UGT1A3: variants seen among roughly 807,000 people sequenced by gnomAD.
UGT1A3 encodes UDP glucuronosyltransferase family 1 member A3, also known as UDP-glucuronosyltransferase 1A3.
UGT1A3 carries 31 observed loss-of-function variants against 41.0 expected under a neutral mutation model. The ratio of observed to expected loss-of-function variants is 0.76; its 90% CI spans 0.57 to 1.02. UGT1A3 has a LOEUF of 1.02. Ranked by LOEUF, UGT1A3 falls within the 50% of genes least tolerant of loss-of-function variation. The pLI is 0.00. For synonymous variants in UGT1A3, 262 were observed against 257.6 expected, an observed-to-expected ratio of 1.02 and a Z score of -0.17; for missense variants, 737 against 671.0, an observed-to-expected ratio of 1.10 and a Z score of -1.09.
At chr2:233,760,573 G>C (rs1208621089) in intron 1 of UGT1A3, 1 of 1,614,170 alleles carries the variant, frequency 6.2e-7, no homozygotes, top group Non-Finnish European at 8.5e-7. Flanking sequence ...TGTTAGTCTC[G>C]GGCATAATGT....
chr2:233,761,044 G>C (rs1697654904), intron 1 of UGT1A3: 3 of 1,614,190 alleles, frequency 1.9e-6, no homozygotes, highest in Non-Finnish European at 2.5e-6. Flanking sequence ...CTCTGCATCT[G>C]TCTGGCTGTT....
intron 1 of UGT1A3, chr2:233,747,709 C>A (rs1194057066): frequency 6.2e-7 from 1 of 1,612,868 alleles, no homozygotes; most frequent in Non-Finnish European, 8.5e-7. Context: ...AAGTACCTAT[C>A]AATTCCTGCT....
intron 1 of UGT1A3, among the ~76,000 whole-genome samples, chr2:233,758,412 A>C (rs1428441093): frequency 6.6e-6 from 1 of 152,106 alleles, no homozygotes; most frequent in Non-Finnish European, 1.5e-5. Context: ...TACTGTCTAT[A>C]ATCTGCAAAT....
chr2:233,752,697 G>A (rs1396469701), intron 1 of UGT1A3, among the ~76,000 whole-genome samples: 1 of 152,136 alleles, frequency 6.6e-6, no homozygotes, highest in African/African-American at 2.4e-5. Context: ...GTTTACTAGT[G>A]GGGTATGATC....
intron 1 of UGT1A3, among the ~76,000 whole-genome samples, chr2:233,731,547 T>A (rs548605747): frequency 6.6e-6 from 1 of 152,218 alleles, no homozygotes; most frequent in Non-Finnish European, 1.5e-5. Flanking sequence ...TGGTTTTCTG[T>A]CCATGTGATA....
intron 1 of UGT1A3, among the ~76,000 whole-genome samples, chr2:233,748,374 A>G (rs1187650500): frequency 2.6e-5 from 4 of 151,848 alleles, no homozygotes; most frequent in African/African-American, 9.7e-5. Flanking sequence ...ATGGTTGTGC[A>G]TGTCCTTCAT....
intron 1 of UGT1A3, chr2:233,756,307 C>T (rs1373805537): frequency 6.6e-6 from 1 of 152,200 alleles, no homozygotes; most frequent in Non-Finnish European, 1.5e-5. Context: ...ATATAACCTA[C>T]CCATATCCTC....
chr2:233,732,755 G>GA (rs1553614027), intron 1 of UGT1A3, among the ~76,000 whole-genome samples: 1 of 120,226 alleles, frequency 8.3e-6, no homozygotes, highest in Non-Finnish European at 1.8e-5. Flanking sequence ...CACCAGCTTT[G>GA]TTTTTTTTTT....
chr2:233,762,007 A>G (rs1297893749), intron 1 of UGT1A3, among the ~76,000 whole-genome samples: 1 of 152,144 alleles, frequency 6.6e-6, no homozygotes, highest in African/African-American at 2.4e-5. Flanking sequence ...CTATACCTCC[A>G]ATGTGATTTG....
chr2:233,748,333 G>A (rs1453810710), intron 1 of UGT1A3, among the ~76,000 whole-genome samples: 2 of 151,780 alleles, frequency 1.3e-5, no homozygotes, highest in Non-Finnish European at 2.9e-5. Flanking sequence ...GTGACTCATG[G>A]AGACTGTTCG....
At chr2:233,733,174 G>T (rs2078363189) in intron 1 of UGT1A3, among the ~76,000 whole-genome samples, 1 of 152,204 alleles carries the variant, frequency 6.6e-6, no homozygotes, top group African/African-American at 2.4e-5. Context: ...CTGGGACTTT[G>T]CTGAAGTTGC....
In UGT1A3 at chr2:233,734,701, C is replaced by T. The variant is rs1205669329; in HGVS notation, c.867+4708C>T. On this transcript the variant is annotated intron_variant, in intron 1 of 4. Coordinates refer to ENST00000482026, the MANE Select transcript of UGT1A3 (RefSeq NM_019093.4). ...CTGATTTAAATGTGTCCCAGAGATT[C>T]TGGTATGTTGTGTCTTTGTTCTCGT... Among the ~76,000 whole-genome samples, 1,503 of 152,228 alleles carry T rather than the reference C, an allele frequency of 9.9e-3. 21 individuals carry two copies. The highest frequency in any genetic ancestry group is 0.035 in the African/African-American group (1,434 of 41,552).
Position 233,769,174 on chromosome 2 carries a change from G to T in UGT1A3, c.1307+735G>T, listed in dbSNP as rs1699806573. ...ACCTGTGAGAAATTTTGTCCATGGA[G>T]TTTATGAATGAAGGAGCTATAAGAT... On this transcript the variant is annotated intron_variant, in intron 4 of 4. Coordinates refer to ENST00000482026, the MANE Select transcript of UGT1A3 (RefSeq NM_019093.4). This position sits in a 1 kb window ranked among gnomAD's most constrained non-coding sequence, Gnocchi z 4.4. Among the ~76,000 whole-genome samples, 1 of 152,206 alleles carries T rather than the reference G, an allele frequency of 6.6e-6. No individual in the cohort carries two copies. Among genetic ancestry groups the T allele is most frequent in the Non-Finnish European group, 1.5e-5 (1 of 68,044 alleles).
chr2:233,757,535 A>AATATATATATATATATATATATATAT (rs67292694), intron 1 of UGT1A3, among the ~76,000 whole-genome samples: 77 of 88,242 alleles, frequency 8.7e-4, no homozygotes, highest in East Asian at 3.1e-3. Context: ...GCCTGTAAGG[A>AATATATATATATATATATATATATAT]ATATATATAT....
rs538578052 is a variant in UGT1A3, at chr2:233,763,857, A to AT, written c.868-3177_868-3176insT. Among the ~76,000 whole-genome samples, 77 of 152,298 alleles carry AT rather than the reference A, an allele frequency of 5.1e-4. 2 individuals carry two copies. In the South Asian group the frequency reaches 0.016, roughly 31 times the overall value. ...AGGGTAAGATAGCAGTGGTTCACAGACAATCGCAATGCTGGGTCTGAGAAA... is the reference window on the plus strand; with the variant it reads ...AGGGTAAGATAGCAGTGGTTCACAGATCAATCGCAATGCTGGGTCTGAGAAA... On this transcript the variant is annotated intron_variant, in intron 1 of 4. Coordinates refer to ENST00000482026, the MANE Select transcript of UGT1A3 (RefSeq NM_019093.4).
chr2:233,743,636 C>A (rs764566878), intron 1 of UGT1A3: 1 of 1,367,194 alleles, frequency 7.3e-7, no homozygotes. Context: ...GGCTGGGTCG[C>A]GGAAGCTGAA....
chr2:233,740,012 T>A (rs1691282549), intron 1 of UGT1A3, among the ~76,000 whole-genome samples: 1 of 151,864 alleles, frequency 6.6e-6, no homozygotes, highest in African/African-American at 2.4e-5. Flanking sequence ...AAGTGAGTTC[T>A]CATGAGAGCT....
intron 1 of UGT1A3, among the ~76,000 whole-genome samples, chr2:233,761,833 G>A (rs549701832): frequency 6.6e-6 from 1 of 152,304 alleles, no homozygotes; most frequent in Admixed American, 6.5e-5. Flanking sequence ...CAGATGGAGC[G>A]TTAGGGAATT....
intron 1 of UGT1A3, chr2:233,747,324 T>G: frequency 1.2e-6 from 2 of 1,603,244 alleles, no homozygotes; most frequent in Non-Finnish European, 1.7e-6. Context: ...TACCCATTGA[T>G]GGCAGCCACT....
Sources: gnomAD v4.1 joint callset for allele counts (sites outside exome capture counted in the v4.1 genomes callset) on GRCh38, gnomAD v4.1.1 for gene constraint, Gnocchi (gnomAD v3.1) non-coding constraint, MANE v1.5 for transcripts, NCBI Gene and HGNC (gene_info 2026-07-23, HGNC 2026-07-21) for gene names.